USP7: variants seen among roughly 807,000 people sequenced by gnomAD.
USP7 encodes ubiquitin specific peptidase 7, also known as ubiquitin C-terminal hydrolase 7.
USP7 carries 9 observed loss-of-function variants against 162.9 expected under a neutral mutation model. That is an observed-to-expected ratio of 0.06 (90% CI 0.03 to 0.10). The LOEUF is 0.10. Ranked by LOEUF, USP7 falls within the 10% of genes least tolerant of loss-of-function variation. USP7 has a pLI of 1.00. For missense variants in USP7, 715 were observed against 1,373.7 expected (o/e 0.52, Z 7.58); for synonymous variants, 562 against 475.9 (o/e 1.18, Z -2.35).
intron 10 of USP7, among the ~76,000 whole-genome samples, chr16:8,912,969 A>G (rs772787604): frequency 1.3e-5 from 2 of 152,226 alleles, no homozygotes; most frequent in Admixed American, 6.5e-5. Flanking sequence ...CACAAAACCC[A>G]GAGAAAGGAG....
intron 2 of USP7, chr16:8,929,499 T>A: frequency 2.2e-6 from 1 of 456,076 alleles, no homozygotes; most frequent in Non-Finnish European, 4.4e-6. Context: ...CTTCTGGTGG[T>A]GCAGCCCGTG....
At chr16:8,920,260 C>A in intron 5 of USP7, 99 bp downstream of exon 5, 2 of 1,037,628 alleles carry the variant, frequency 1.9e-6, no homozygotes, top group Non-Finnish European at 2.9e-6. Flanking sequence ...AGGAGGCTTA[C>A]TGATTAAATA....
At chr16:8,959,036 TG>T (rs1471158449) in intron 1 of USP7, among the ~76,000 whole-genome samples, 1 of 152,198 alleles carries the variant, frequency 6.6e-6, no homozygotes, top group Non-Finnish European at 1.5e-5. Context: ...TTTTCTTGGC[TG>T]CAAAAGCCCT....
intron 1 of USP7, among the ~76,000 whole-genome samples, chr16:8,936,941 T>C (rs1898772298): frequency 6.6e-6 from 1 of 152,204 alleles, no homozygotes; most frequent in African/African-American, 2.4e-5. Context: ...TGATATAAAT[T>C]GTTAACAACC....
At chr16:8,933,746 G>A (rs1017911510) in intron 1 of USP7, among the ~76,000 whole-genome samples, 1 of 151,362 alleles carries the variant, frequency 6.6e-6, no homozygotes, top group East Asian at 1.9e-4. Context: ...CACCCTGCCT[G>A]GCCTATACAA....
At chr16:8,949,538 C>G (rs927351824) in intron 1 of USP7, 1 of 152,426 alleles carries the variant, frequency 6.6e-6, no homozygotes, top group African/African-American at 2.4e-5. Context: ...AGAAGCCTTG[C>G]CGCTGCCATC....
At chr16:8,902,650 G>A (rs1222548138) in intron 16 of USP7, among the ~76,000 whole-genome samples, 168 bp from the exon 17 acceptor site, 2 of 152,144 alleles carry the variant, frequency 1.3e-5, no homozygotes, top group East Asian at 1.9e-4. Context: ...AGCACTTTCG[G>A]AGGCCGAGGC....
rs1555461632 is a variant in USP7, at chr16:8,897,698, C to CCAAAAAAAAAAA, written c.2719-600_2719-599insTTTTTTTTTTTG. Among the ~76,000 whole-genome samples, 8 of 35,604 alleles carry CCAAAAAAAAAAA rather than the reference C, an allele frequency of 2.2e-4. 3 individuals carry two copies. The highest frequency in any genetic ancestry group is 9.5e-4 in the African/African-American group (8 of 8,422). The allele number at this position is 35,604 out of a possible 152,430, so 23.4% of individuals were successfully genotyped here. A position where few individuals can be genotyped will look rare whatever the true frequency, so the allele number is the denominator to read the frequency against. On this transcript the variant is annotated intron_variant, in intron 25 of 30. Transcript: ENST00000344836. ...GCAATATAGTGAGACCCTGTCTCTA[C>CCAAAAAAAAAAA]AAAAAAAAAAAAAAAAAAAAAAAAA...
At chr16:8,899,938 G>T in intron 21 of USP7, 181 bp from the exon 22 acceptor site, 1 of 703,698 alleles carries the variant, frequency 1.4e-6, no homozygotes, top group Non-Finnish European at 2.4e-6. Flanking sequence ...AGGCAAGTAT[G>T]CATGGGGATG....
chr16:8,917,938 C>T (rs1261781608), intron 6 of USP7, among the ~76,000 whole-genome samples: 1 of 152,066 alleles, frequency 6.6e-6, no homozygotes, highest in East Asian at 1.9e-4. Flanking sequence ...TACAGGTGCA[C>T]GCCGCCATGC....
intron 1 of USP7, among the ~76,000 whole-genome samples, chr16:8,932,110 A>T (rs1274183013): frequency 4.6e-5 from 7 of 152,044 alleles, no homozygotes; most frequent in Non-Finnish European, 8.8e-5. Context: ...TACATCATAA[A>T]CCTCTCCAAT....
At chr16:8,896,852 G>C in intron 26 of USP7, 147 bp downstream of exon 26, 1 of 724,326 alleles carries the variant, frequency 1.4e-6, no homozygotes, top group South Asian at 1.6e-5. Flanking sequence ...CTGTGCAACT[G>C]TCTTTGCAAT....
intron 2 of USP7, among the ~76,000 whole-genome samples, chr16:8,927,465 G>GT (rs1898075491): frequency 6.6e-6 from 1 of 152,166 alleles, no homozygotes; most frequent in Non-Finnish European, 1.5e-5. Flanking sequence ...CTTCTTGCAA[G>GT]TCCTAGTCAA....
intron 23 of USP7, 83 bp downstream of exon 23, chr16:8,899,038 A>T: frequency 7.0e-7 from 1 of 1,429,232 alleles, no homozygotes; most frequent in East Asian, 2.3e-5. Context: ...CGAGCTAATT[A>T]TTAAAATTAG....
intron 1 of USP7, among the ~76,000 whole-genome samples, chr16:8,948,825 G>C (rs143746915): frequency 1.3e-5 from 2 of 152,168 alleles, no homozygotes; most frequent in South Asian, 4.1e-4. Flanking sequence ...TTAGCCAGGC[G>C]TGGTGGCGTG....
At chr16:8,955,476 AC>A (rs1899749099) in intron 1 of USP7, among the ~76,000 whole-genome samples, 2 of 152,066 alleles carry the variant, frequency 1.3e-5, no homozygotes, top group Non-Finnish European at 2.9e-5. Context: ...TAATCCCAGC[AC>A]TTTGGGAGGC....
chr16:8,912,220 G>A (rs2061958104), intron 10 of USP7, among the ~76,000 whole-genome samples: 1 of 152,192 alleles, frequency 6.6e-6, no homozygotes, highest in South Asian at 2.1e-4. Flanking sequence ...GGGAGGCAGA[G>A]GTACGTGGAT....
chr16:8,939,521 T>C (rs568679557), intron 1 of USP7, among the ~76,000 whole-genome samples: 8 of 152,356 alleles, frequency 5.3e-5, no homozygotes, highest in Admixed American at 2.0e-4. Flanking sequence ...TATTTATTTC[T>C]ACTTTTGAGT....
chr16:8,923,424 A>C lies in USP7; in HGVS notation c.185-11T>G. The C allele has an allele frequency of 1.2e-6, 2 of 1,613,880 alleles. No homozygotes were observed. The highest frequency in any genetic ancestry group is 1.3e-5 in the African/African-American group (1 of 75,044). ...AGCGCCAACTGGTGTCTGCAAAAAAAACACATCATCAGTCACAGAGCCTGT... is the reference window on the plus strand; with the variant it reads ...AGCGCCAACTGGTGTCTGCAAAAAACACACATCATCAGTCACAGAGCCTGT... On this transcript the variant is annotated splice_polypyrimidine_tract_variant and intron_variant, in intron 2 of 30. Transcript: ENST00000344836.
Sources: gnomAD v4.1 joint callset for allele counts (sites outside exome capture counted in the v4.1 genomes callset) on GRCh38, gnomAD v4.1.1 for gene constraint, MANE v1.5 for transcripts, NCBI Gene and HGNC (gene_info 2026-07-23, HGNC 2026-07-21) for gene names.